Variants in KYNU observed in about 807,000 individuals in gnomAD.
KYNU encodes the protein kynureninase.
KYNU carries 54 observed loss-of-function variants against 59.2 expected under a neutral mutation model. That is an observed-to-expected ratio of 0.91 (90% CI 0.73 to 1.14). The LOEUF (loss-of-function observed/expected upper bound fraction) is 1.14. KYNU is among the 50% of genes most tolerant of loss of function. The probability of loss-of-function intolerance (pLI) is 0.00; values close to 1 mark genes in which losing one functional copy is unlikely to be tolerated. For missense variants in KYNU, 567 were observed against 554.4 expected (o/e 1.02, Z -0.23); for synonymous variants, 177 against 192.0 (o/e 0.92, Z 0.65).
rs1241574754 is a variant in KYNU, at chr2:143,053,348, T to C, written c.*11176T>C. 3 of 152,244 alleles carry C rather than the reference T, an allele frequency of 2.0e-5. No homozygotes were observed. Among genetic ancestry groups the C allele is most frequent in the African/African-American group, 7.2e-5 (3 of 41,454 alleles). The allele number at this position is 152,244 out of a possible 1,614,324, so 9.4% of individuals were successfully genotyped here. On this transcript the variant is annotated 3_prime_UTR_variant, in exon 14 of 14. Transcript: ENST00000264170. ...GCTTAAGGTCCATCTTTAAGCTTTG[T>C]CTCTGATGAGACTTTGGACTGCGGA...
At position 143,050,416 on chromosome 2, in the gene KYNU, T is replaced by G. The variant is rs1394257396; in HGVS notation, c.*8244T>G. The G allele has an allele frequency of 6.6e-6, 1 of 152,152 alleles. No homozygotes were observed. The highest frequency in any genetic ancestry group is 1.5e-5 in the Non-Finnish European group (1 of 68,036). The allele number at this position is 152,152 out of a possible 1,614,324, so 9.4% of individuals were successfully genotyped here. ...CGATGTTTGGTTTTCTGTTCCTGTG[T>G]TAATTTGCTGAGGATGATAGCTTCC... On this transcript the variant is annotated 3_prime_UTR_variant, in exon 14 of 14. Transcript: ENST00000264170.
At position 143,055,735 on chromosome 2, in the gene KYNU, G is replaced by GA. The variant is rs1687344344; in HGVS notation, c.*13569dup. On this transcript the variant is annotated 3_prime_UTR_variant, in exon 14 of 14. Coordinates refer to ENST00000264170, the MANE Select transcript of KYNU (RefSeq NM_003937.3). ...GGAGGGAAGAAGAAAAAAATAGTAT[G>GA]AAAAAATCTTGATAAATTTGAAAAC... 6.6e-6 allele frequency: 1 copy of GA among 151,968 alleles called. No individual in the cohort carries two copies. Among genetic ancestry groups the GA allele is most frequent in the East Asian group, 1.9e-4 (1 of 5,180 alleles). 9.4% of individuals were successfully genotyped at this position (151,968 alleles called of 1,614,324 possible).
intron 2 of KYNU, among the ~76,000 whole-genome samples, chr2:142,918,106 T>G (rs962768097): frequency 2.0e-5 from 3 of 152,182 alleles, no homozygotes; most frequent in African/African-American, 7.2e-5. Flanking sequence ...TATGTGTACG[T>G]GTGTATGGAT....
At chr2:142,992,066 AT>A (rs1685412739) in intron 10 of KYNU, among the ~76,000 whole-genome samples, 1 of 151,936 alleles carries the variant, frequency 6.6e-6, no homozygotes, top group African/African-American at 2.4e-5. Context: ...ATATCAGATA[AT>A]ACAGTGAAAA....
intron 12 of KYNU, among the ~76,000 whole-genome samples, chr2:143,037,909 T>C (rs1686932103): frequency 6.6e-6 from 1 of 152,230 alleles, no homozygotes; most frequent in Middle Eastern, 3.2e-3. Flanking sequence ...AGAATGCAGT[T>C]GCCCTTATTG....
chr2:142,977,052 G>A (rs901160345), intron 8 of KYNU, among the ~76,000 whole-genome samples: 3 of 152,034 alleles, frequency 2.0e-5, no homozygotes, highest in African/African-American at 7.2e-5. Flanking sequence ...GCTTCAGAGG[G>A]AATAGAATGT....
intron 2 of KYNU, among the ~76,000 whole-genome samples, chr2:142,885,949 T>C (rs1681494433): frequency 6.6e-6 from 1 of 152,196 alleles, no homozygotes; most frequent in Non-Finnish European, 1.5e-5. Flanking sequence ...AATATTGTTT[T>C]GTGACCTGGA....
intron 10 of KYNU, among the ~76,000 whole-genome samples, chr2:142,987,916 T>C (rs1181468273): frequency 6.6e-6 from 1 of 151,752 alleles, no homozygotes; most frequent in African/African-American, 2.4e-5. Context: ...TCTCCTTCTC[T>C]CTCTTCCTCC....
intron 2 of KYNU, among the ~76,000 whole-genome samples, chr2:142,890,507 T>A (rs1213540224): frequency 6.6e-6 from 1 of 152,214 alleles, no homozygotes; most frequent in East Asian, 1.9e-4. Flanking sequence ...AGACAGGGTC[T>A]TGCTCTGTCA....
chr2:142,986,688 A>G (rs931562134), intron 10 of KYNU, among the ~76,000 whole-genome samples: 1 of 151,688 alleles, frequency 6.6e-6, no homozygotes, highest in Admixed American at 6.6e-5. Flanking sequence ...TTTTTCTGGT[A>G]TGGAAATAAA....
At position 142,885,441 on chromosome 2, in the gene KYNU, C is replaced by T. The variant is rs199895914; in HGVS notation, c.74C>T (p.Thr25Met). The T allele has an allele frequency of 9.6e-4, 1,546 of 1,613,538 alleles. 23 individuals are homozygous for T. The South Asian group carries it at 0.013, about 13-fold the overall frequency. The change falls in exon 2 of 14, where the codon ACG (threonine) becomes ATG (methionine). Residue 25 changes from threonine to methionine, a missense_variant. Physicochemically the swap from Thr to Met is moderately conservative, Grantham distance 81. Transcript: ENST00000264170. ...GCGGCTGAACTCAAATGCCACCCAA[C>T]GGATGAGAGGGTGGCTCTCCACCTA... ...RIAAELKCHP[T>M]DERVALHLDE... is the part of the protein sequence containing the mutation.
chr2:143,014,349 C>T (rs755355113), intron 10 of KYNU, among the ~76,000 whole-genome samples: 13 of 152,310 alleles, frequency 8.5e-5, no homozygotes, highest in South Asian at 2.1e-4. Context: ...GTATGAATCT[C>T]ATCCTTTTCT....
At chr2:142,915,612 A>G (rs779770542) in intron 2 of KYNU, among the ~76,000 whole-genome samples, 2 of 152,222 alleles carry the variant, frequency 1.3e-5, no homozygotes, top group Non-Finnish European at 2.9e-5. Context: ...TCCTCAAGCA[A>G]TAAAGTGAGT....
chr2:143,004,228 C>A (rs1364783895), intron 10 of KYNU, among the ~76,000 whole-genome samples: 2 of 152,154 alleles, frequency 1.3e-5, no homozygotes, highest in Non-Finnish European at 2.9e-5. Context: ...CCTTGACAGG[C>A]ACTGTGCTAG....
At position 143,042,090 on chromosome 2, in the gene KYNU, C is replaced by T; in HGVS notation, c.1316C>T (p.Pro439Leu). The stretch of plus-strand genomic sequence containing the variant: ...AATGGCATTCGAGTGGCTCCAGTTC[C>T]TCTCTATAATTCTTTCCATGATGTT... ...NPNGIRVAPV[P>L]LYNSFHDVYK... The change falls in exon 14 of 14, where the codon CCT (proline) becomes CTT (leucine). Residue 439 changes from proline (P) to leucine (L), a missense_variant. By Grantham distance (98) the Pro-to-Leu change is moderately conservative. Transcript: ENST00000264170. 1.2e-6 allele frequency: 2 copies of T among 1,611,362 alleles called. No homozygotes were observed. Among genetic ancestry groups the T allele is most frequent in the Non-Finnish European group, 1.7e-6 (2 of 1,178,228 alleles).
chr2:143,006,203 C>T (rs936089924), intron 10 of KYNU, among the ~76,000 whole-genome samples: 7 of 152,118 alleles, frequency 4.6e-5, no homozygotes, highest in South Asian at 4.2e-4. Flanking sequence ...GTGCACGCAC[C>T]GTGCGCGAGC....
chr2:142,944,296 A>G (rs1683703344), intron 4 of KYNU, among the ~76,000 whole-genome samples: 1 of 152,224 alleles, frequency 6.6e-6, no homozygotes, highest in Admixed American at 6.5e-5. Flanking sequence ...ATGGATCCAT[A>G]AACATTAGCT....
intron 10 of KYNU, among the ~76,000 whole-genome samples, chr2:143,006,936 A>G (rs2105195067): frequency 6.6e-6 from 1 of 152,186 alleles, no homozygotes; most frequent in South Asian, 2.1e-4. Context: ...CCAAAAGTAG[A>G]TAAAACCACA....
At chr2:142,900,992 GC>G (rs1376862034) in intron 2 of KYNU, among the ~76,000 whole-genome samples, 2 of 151,084 alleles carry the variant, frequency 1.3e-5, no homozygotes, top group Admixed American at 1.3e-4. Context: ...GGTGGAGCTT[GC>G]AGTGAGCCGA....
Sources: allele counts gnomAD v4.1 joint callset (sites outside exome capture counted in the v4.1 genomes callset), GRCh38; gene constraint gnomAD v4.1.1; transcripts MANE v1.5; gene names NCBI Gene and HGNC (gene_info 2026-07-23, HGNC 2026-07-21).